The following DROSHA variants were observed in gnomAD, a reference collection of about 807,000 sequenced individuals.
DROSHA encodes ribonuclease 3.
A neutral mutation model predicts 181.9 loss-of-function variants in DROSHA; 56 were observed. That is an observed-to-expected ratio of 0.31 (90% CI 0.25 to 0.38). The LOEUF is 0.38. DROSHA is among the 10% of genes least tolerant of loss of function. The pLI, the probability that DROSHA is intolerant of heterozygous loss-of-function variation, is 1.00. For missense variants in DROSHA, 1,218 were observed against 1,743.5 expected (o/e 0.70, Z 5.37); for synonymous variants, 524 against 591.2 (o/e 0.89, Z 1.65).
At chr5:31,493,119 C>A in intron 13 of DROSHA, 88 bp downstream of exon 13, 2 of 1,289,854 alleles carry the variant, frequency 1.6e-6, no homozygotes, top group Non-Finnish European at 2.2e-6. Context: ...TCTTAGGAGG[C>A]AGATGACAGG....
At chr5:31,446,874 T>C (rs1437148473) in intron 23 of DROSHA, among the ~76,000 whole-genome samples, 1 of 152,068 alleles carries the variant, frequency 6.6e-6, no homozygotes, top group Non-Finnish European at 1.5e-5. Context: ...ACCTCGTCTC[T>C]ACCAAAAATA....
Position 31,451,659 on chromosome 5 carries a change from A to G in DROSHA, c.2575-19T>C. 4 of 1,562,620 alleles carry G rather than the reference A, an allele frequency of 2.6e-6. No individual in the cohort carries two copies. Among genetic ancestry groups the G allele is most frequent in the Non-Finnish European group, 3.5e-6 (4 of 1,145,026 alleles). On this transcript the variant is annotated intron_variant, in intron 20 of 35. Transcript: ENST00000344624. ...TTGCATGCTAGGAAAAAAAAAATTC[A>G]ATATGTTTAACTTTATAAAAACTTA...
intron 8 of DROSHA, among the ~76,000 whole-genome samples, chr5:31,513,700 T>C (rs778643407): frequency 2.0e-5 from 3 of 152,166 alleles, no homozygotes; most frequent in Admixed American, 6.5e-5. Flanking sequence ...TTTCACAAAA[T>C]TCCAAATAAC....
rs1480032519 is a variant in DROSHA, at chr5:31,401,250, A to C, written c.*182T>G. ...CCGTTAAATAGAAGAAAAATCTAAT[A>C]CTTTGTAATAAAGACCATCCAGCTA... is the stretch of plus-strand genomic sequence containing the variant. On this transcript the variant is annotated 3_prime_UTR_variant, in exon 36 of 36. Coordinates refer to ENST00000344624, the MANE Select transcript of DROSHA (RefSeq NM_001382508.1). 1 of 786,458 alleles carries C rather than the reference A, an allele frequency of 1.3e-6. No homozygotes were observed. The highest frequency in any genetic ancestry group is 3.2e-5 in the East Asian group (1 of 31,164). 48.7% of individuals were successfully genotyped at this position (786,458 alleles called of 1,614,324 possible).
intron 23 of DROSHA, among the ~76,000 whole-genome samples, chr5:31,437,652 T>C (rs946506840): frequency 6.6e-6 from 1 of 152,208 alleles, no homozygotes; most frequent in Non-Finnish European, 1.5e-5. Flanking sequence ...GTGGATTTTC[T>C]GACCACTGAA....
At chr5:31,417,624 A>G (rs1225625956) in intron 30 of DROSHA, among the ~76,000 whole-genome samples, 1 of 152,202 alleles carries the variant, frequency 6.6e-6, no homozygotes, top group Non-Finnish European at 1.5e-5. Context: ...ATTAGGAAGT[A>G]GTGTAAAGAT....
rs185852648 is a variant in DROSHA, at chr5:31,485,809, G to C, written c.1914+682C>G. 1.4e-3 allele frequency among the ~76,000 whole-genome samples: 213 copies of C among 152,244 alleles called. 4 individuals are homozygous for C. The highest frequency in any genetic ancestry group is 0.012 in the Admixed American group (187 of 15,292). On this transcript the variant is annotated intron_variant, in intron 14 of 35. Coordinates refer to ENST00000344624, the MANE Select transcript of DROSHA (RefSeq NM_001382508.1). ...CCCTCCACACTCCCTGCCCATGACA[G>C]AGCTGTCCCATTAAACAAGGTTTGC...
At chr5:31,485,035 T>C (rs1035262710) in intron 14 of DROSHA, 73 bp from the exon 15 acceptor site, 7 of 1,056,380 alleles carry the variant, frequency 6.6e-6, no homozygotes, top group Non-Finnish European at 6.9e-6. Context: ...AACTTGTTCT[T>C]GTCAAGTGTC....
At chr5:31,440,879 G>A (rs1419451478) in intron 23 of DROSHA, among the ~76,000 whole-genome samples, 2 of 152,090 alleles carry the variant, frequency 1.3e-5, no homozygotes, top group Non-Finnish European at 2.9e-5. Context: ...TATTTCTTAT[G>A]TATGAGATAT....
chr5:31,434,550 T>C (rs1179086204), intron 25 of DROSHA, among the ~76,000 whole-genome samples: 2 of 152,240 alleles, frequency 1.3e-5, no homozygotes, highest in African/African-American at 4.8e-5. Context: ...CCACTGTAGC[T>C]ACAATGATGA....
chr5:31,443,358 GA>G (rs915277955), intron 23 of DROSHA, among the ~76,000 whole-genome samples: 14 of 148,382 alleles, frequency 9.4e-5, no homozygotes, highest in African/African-American at 3.0e-4. Context: ...CTCTCCAAAA[GA>G]AAAAAAAAAT....
chr5:31,439,842 G>A (rs968024113), intron 23 of DROSHA, among the ~76,000 whole-genome samples: 2 of 152,122 alleles, frequency 1.3e-5, no homozygotes, highest in African/African-American at 4.8e-5. Flanking sequence ...GGGATGCACT[G>A]AGGAGGGAAG....
At chr5:31,418,208 A>ATG (rs149277843) in intron 30 of DROSHA, among the ~76,000 whole-genome samples, 1 of 150,008 alleles carries the variant, frequency 6.7e-6, no homozygotes, top group African/African-American at 2.5e-5. Context: ...CTGTAACTCT[A>ATG]TGTGTGTGTG....
Position 31,526,916 on chromosome 5 carries a change from C to T in DROSHA, c.21-4G>A, listed in dbSNP as rs1273545802. 6.2e-7 allele frequency: 1 copy of T among 1,606,202 alleles called. No homozygotes were observed. The highest frequency in any genetic ancestry group is 8.5e-7 in the Non-Finnish European group (1 of 1,178,152). ...CGGGTGGAACGACATTCTGTGACTT[C>T]ATGGCAGAAAAGAAAAAGGGAAAAG... On this transcript the variant is annotated splice_region_variant and splice_polypyrimidine_tract_variant and intron_variant, in intron 4 of 35. Coordinates refer to ENST00000344624, the MANE Select transcript of DROSHA (RefSeq NM_001382508.1).
At chr5:31,509,369 T>C (rs1384166568) in intron 9 of DROSHA, among the ~76,000 whole-genome samples, 1 of 152,024 alleles carries the variant, frequency 6.6e-6, no homozygotes, top group Non-Finnish European at 1.5e-5. Flanking sequence ...AAAACCATAG[T>C]AGTAGTACGT....
intron 35 of DROSHA, among the ~76,000 whole-genome samples, chr5:31,404,097 T>G (rs570854201): frequency 4.6e-5 from 7 of 152,054 alleles, no homozygotes; most frequent in African/African-American, 1.7e-4. Flanking sequence ...TTTTTTTTTT[T>G]TTTAATTTTT....
Position 31,510,643 on chromosome 5 carries a change from C to T in DROSHA, c.1432+392G>A, listed in dbSNP as rs183488504. Reference sequence around the variant, plus strand: ...AGTGGAGAGAAACCTTCAAACAGAGCTGGGGTACAGTCGCTGTTTCCCTCA... The same window carrying T: ...AGTGGAGAGAAACCTTCAAACAGAGTTGGGGTACAGTCGCTGTTTCCCTCA... On this transcript the variant is annotated intron_variant, in intron 9 of 35. Coordinates refer to ENST00000344624, the MANE Select transcript of DROSHA (RefSeq NM_001382508.1). 5.3e-5 allele frequency among the ~76,000 whole-genome samples: 8 copies of T among 152,328 alleles called. 1 individual carries two copies.
intron 3 of DROSHA, among the ~76,000 whole-genome samples, chr5:31,529,734 C>CAAAAAAAAAAAAA (rs70955715): frequency 1.5e-4 from 14 of 91,244 alleles, no homozygotes; most frequent in East Asian, 3.7e-4. Context: ...AAAAAACAAA[C>CAAAAAAAAAAAAA]AAAAAAAAAA....
chr5:31,525,405 G>A (rs1184960626), intron 5 of DROSHA, among the ~76,000 whole-genome samples: 2 of 147,004 alleles, frequency 1.4e-5, no homozygotes, highest in Non-Finnish European at 3.0e-5. Context: ...TTGGGAGGCT[G>A]AGGTGAGAGA....
Sources: allele counts gnomAD v4.1 joint callset (sites outside exome capture counted in the v4.1 genomes callset), GRCh38; gene constraint gnomAD v4.1.1; transcripts MANE v1.5; gene names NCBI Gene and HGNC (gene_info 2026-07-23, HGNC 2026-07-21).